TMTC2: variants seen among roughly 807,000 people sequenced by gnomAD.
TMTC2 encodes the protein protein O-mannosyl-transferase TMTC2.
A neutral mutation model predicts 82.4 loss-of-function variants in TMTC2; 43 were observed. That is an observed-to-expected ratio of 0.52 (90% CI 0.41 to 0.67). The LOEUF is 0.67. Ranked by LOEUF, TMTC2 falls within the 30% of genes least tolerant of loss-of-function variation. The pLI, the probability that TMTC2 is intolerant of heterozygous loss-of-function variation, is 0.00. For missense variants in TMTC2, 919 were observed against 1,012.4 expected (o/e 0.91, Z 1.25); for synonymous variants, 408 against 381.9 (o/e 1.07, Z -0.80).
rs148662657 is a variant in TMTC2 at position 82,857,192 on chromosome 12, T to C, written c.266T>C (p.Leu89Pro). ...GGGTTGAATCCCTGGAGCTACCATC[T>C]TGTCAATGTCCTGTTGCATGCAGCA... ...IGGLNPWSYH[L>P]VNVLLHAAVT... The change falls in exon 2 of 12, where the codon CTT (leucine) becomes CCT (proline). Residue 89 changes from leucine to proline, a missense_variant. Coordinates refer to ENST00000321196, the MANE Select transcript of TMTC2 (RefSeq NM_152588.3). The C allele has an allele frequency of 2.5e-6, 4 of 1,614,146 alleles. No individual in the cohort carries two copies. The highest frequency in any genetic ancestry group is 3.4e-6 in the Non-Finnish European group (4 of 1,180,036).
chr12:82,700,774 T>G (rs1435096530), intron 1 of TMTC2, among the ~76,000 whole-genome samples: 11 of 152,184 alleles, frequency 7.2e-5, no homozygotes, highest in Non-Finnish European at 2.9e-5. Context: ...GGAGTATGTA[T>G]TAGTCCATTT....
At chr12:82,969,803 A>G (rs1195675574) in intron 7 of TMTC2, among the ~76,000 whole-genome samples, 1 of 152,198 alleles carries the variant, frequency 6.6e-6, no homozygotes, top group Non-Finnish European at 1.5e-5. Context: ...TCAATTTCAT[A>G]GGACCAAGAT....
intron 1 of TMTC2, among the ~76,000 whole-genome samples, chr12:82,842,899 T>A (rs1425339634): frequency 6.6e-6 from 1 of 152,140 alleles, no homozygotes; most frequent in Admixed American, 6.5e-5. Context: ...CTTAACCACC[T>A]CTTTAAAGAT....
chr12:82,974,175 C>A (rs1436495176), intron 7 of TMTC2, among the ~76,000 whole-genome samples: 3 of 152,060 alleles, frequency 2.0e-5, no homozygotes, highest in Admixed American at 1.3e-4. Context: ...TCGAGACCAG[C>A]CTGGTCAACA....
chr12:82,989,836 T>G (rs1879327156), intron 8 of TMTC2, among the ~76,000 whole-genome samples: 1 of 151,920 alleles, frequency 6.6e-6, no homozygotes, highest in African/African-American at 2.4e-5. Flanking sequence ...CAATCCAAAT[T>G]TTTAATCCCC....
intron 1 of TMTC2, among the ~76,000 whole-genome samples, chr12:82,705,864 G>A (rs1041479677): frequency 6.6e-6 from 1 of 152,172 alleles, no homozygotes; most frequent in African/African-American, 2.4e-5. Context: ...AGACAACCAA[G>A]CAAACAGCTA....
chr12:82,930,554 G>A lies in TMTC2; in HGVS notation c.1598+9G>A. The A allele has an allele frequency of 6.5e-7, 1 of 1,548,696 alleles. No individual in the cohort carries two copies. Among genetic ancestry groups the A allele is most frequent in the Admixed American group, 1.7e-5 (1 of 57,722 alleles). On this transcript the variant is annotated intron_variant, in intron 4 of 11. Coordinates refer to ENST00000321196, the MANE Select transcript of TMTC2 (RefSeq NM_152588.3). ...GACATGCTTTATAATTTGTGAGTAT[G>A]CCTTGCTTCTCTGGTTTGGTTCGTC...
At position 82,936,557 on chromosome 12, in the gene TMTC2, G is replaced by T. The variant is rs73157632; in HGVS notation, c.1598+6012G>T. ...AAACACCATTATCAGATAGGCTTTAGTCTAAGATTTGTGGTGGGATATTTA... is the reference window on the plus strand; with the variant it reads ...AAACACCATTATCAGATAGGCTTTATTCTAAGATTTGTGGTGGGATATTTA... On this transcript the variant is annotated intron_variant, in intron 4 of 11. Coordinates refer to ENST00000321196, the MANE Select transcript of TMTC2 (RefSeq NM_152588.3). 6.9e-3 allele frequency among the ~76,000 whole-genome samples: 1,052 copies of T among 152,136 alleles called. 9 individuals carry two copies. The highest frequency in any genetic ancestry group is 0.031 in the Middle Eastern group (9 of 294).
intron 9 of TMTC2, among the ~76,000 whole-genome samples, chr12:83,031,578 A>G (rs1031446552): frequency 2.6e-5 from 4 of 152,210 alleles, no homozygotes; most frequent in East Asian, 1.9e-4. Context: ...GCCAAAAAGC[A>G]TTTACTTTGG....
At chr12:82,872,003 A>G (rs976870026) in intron 2 of TMTC2, among the ~76,000 whole-genome samples, 1 of 104,926 alleles carries the variant, frequency 9.5e-6, no homozygotes, top group African/African-American at 5.7e-5. Flanking sequence ...AAGTTGAACA[A>G]CACCCCCCCC....
chr12:82,723,844 T>C (rs1327575587), intron 1 of TMTC2, among the ~76,000 whole-genome samples: 1 of 152,214 alleles, frequency 6.6e-6, no homozygotes, highest in Non-Finnish European at 1.5e-5. Flanking sequence ...CTCTGTGTAC[T>C]ACAGGGCTGC....
chr12:82,889,618 T>G (rs991346017), intron 2 of TMTC2, among the ~76,000 whole-genome samples: 17 of 142,424 alleles, frequency 1.2e-4, no homozygotes, highest in Non-Finnish European at 2.9e-5. Flanking sequence ...GAAAAATATT[T>G]TTCACAAAAA....
At position 82,687,411 on chromosome 12, in the gene TMTC2, G is replaced by C; in HGVS notation, c.-176G>C. ...ACGCAGGAGCTGCGGAGACGGGCGC[G>C]AGGAGGAGGAGAGGAGTCGTGGATT... is the stretch of plus-strand genomic sequence containing the variant. On this transcript the variant is annotated 5_prime_UTR_variant, in exon 1 of 12. Transcript: ENST00000321196. The C allele has an allele frequency of 1.7e-6, 1 of 594,844 alleles. No individual in the cohort carries two copies. Among genetic ancestry groups the C allele is most frequent in the East Asian group, 3.0e-5 (1 of 33,626 alleles). The allele number at this position is 594,844 out of a possible 1,614,324, so 36.8% of individuals were successfully genotyped here. A position where few individuals can be genotyped will look rare whatever the true frequency, so the allele number is the denominator to read the frequency against.
intron 3 of TMTC2, among the ~76,000 whole-genome samples, chr12:82,919,851 G>A (rs886815379): frequency 1.3e-5 from 2 of 152,196 alleles, no homozygotes; most frequent in Non-Finnish European, 2.9e-5. Flanking sequence ...CCACGCCCAT[G>A]GCTTTGCTGG....
chr12:83,011,168 AGTT>A (rs1458703501), intron 8 of TMTC2, among the ~76,000 whole-genome samples: 1 of 152,212 alleles, frequency 6.6e-6, no homozygotes, highest in Non-Finnish European at 1.5e-5. Context: ...GTATAGAATT[AGTT>A]GTTTATAAAA....
At chr12:82,739,703 TGAAA>T (rs2136951621) in intron 1 of TMTC2, among the ~76,000 whole-genome samples, 1 of 150,840 alleles carries the variant, frequency 6.6e-6, no homozygotes, top group African/African-American at 2.4e-5. Flanking sequence ...AGTTGAGTAA[TGAAA>T]GAAAAGGCCA....
intron 1 of TMTC2, among the ~76,000 whole-genome samples, chr12:82,716,339 C>T (rs1873895032): frequency 6.6e-6 from 1 of 150,904 alleles, no homozygotes. Flanking sequence ...GGTACATTCA[C>T]ATTCGTATGC....
rs185648532 is a variant in TMTC2 at position 82,982,719 on chromosome 12, A to C, written c.1949-3206A>C. ...TGGCTGATGGATCACAAGCTAGAAAATGATTTTCTATGAGTGAGAAACAGA... is the reference window on the plus strand; with the variant it reads ...TGGCTGATGGATCACAAGCTAGAAACTGATTTTCTATGAGTGAGAAACAGA... On this transcript the variant is annotated intron_variant, in intron 7 of 11. Coordinates refer to ENST00000321196, the MANE Select transcript of TMTC2 (RefSeq NM_152588.3). Among the ~76,000 whole-genome samples the C allele has an allele frequency of 4.3e-3, 656 of 152,110 alleles. 5 individuals carry two copies. The highest frequency in any genetic ancestry group is 0.015 in the African/African-American group (629 of 41,562).
Position 82,785,356 on chromosome 12 carries a change from A to ACCC in TMTC2, c.84-71647_84-71645dup, listed in dbSNP as rs150549652. Among the ~76,000 whole-genome samples the ACCC allele has an allele frequency of 9.3e-3, 1,157 of 123,790 alleles. 21 individuals are homozygous for ACCC. The highest frequency in any genetic ancestry group is 0.034 in the African/African-American group (1,098 of 32,100). The allele number at this position is 123,790 out of a possible 152,430, so 81.2% of individuals were successfully genotyped here. On this transcript the variant is annotated intron_variant, in intron 1 of 11. Coordinates refer to ENST00000321196, the MANE Select transcript of TMTC2 (RefSeq NM_152588.3). The stretch of plus-strand genomic sequence containing the variant: ...ATTTTTAATCCAAAATAAACAAACA[A>ACCC]CCCCCCCCCGTCCCCCCCAAACACA...
Sources: gnomAD v4.1 joint callset for allele counts (sites outside exome capture counted in the v4.1 genomes callset) on GRCh38, gnomAD v4.1.1 for gene constraint, MANE v1.5 for transcripts, NCBI Gene and HGNC (gene_info 2026-07-23, HGNC 2026-07-21) for gene names.